RCHY1: variants seen among roughly 807,000 people sequenced by gnomAD.
RCHY1 encodes RING finger and CHY zinc finger domain-containing protein 1.
In RCHY1, 21 loss-of-function variants were observed where a neutral mutation model predicts 41.6. That is an observed-to-expected ratio of 0.51 (90% CI 0.36 to 0.73). The LOEUF (loss-of-function observed/expected upper bound fraction) is 0.73, where lower values mean the gene tolerates loss of function less well. Ranked by LOEUF, RCHY1 falls within the 30% of genes least tolerant of loss-of-function variation. RCHY1 has a pLI of 0.00. For synonymous variants in RCHY1, 79 were observed against 102.9 expected, an observed-to-expected ratio of 0.77 and a Z score of 1.41; for missense variants, 265 against 325.3, an observed-to-expected ratio of 0.81 and a Z score of 1.43.
At chr4:75,505,110 A>C (rs1348843146) in intron 3 of RCHY1, among the ~76,000 whole-genome samples, 2 of 152,202 alleles carry the variant, frequency 1.3e-5, no homozygotes, top group African/African-American at 2.4e-5. Context: ...GTTCCACCTC[A>C]GATAATCAGG....
chr4:75,494,209 A>C, intron 3 of RCHY1, 30 bp from the exon 4 acceptor site: 1 of 1,449,812 alleles, frequency 6.9e-7, no homozygotes, highest in Non-Finnish European at 9.5e-7. Context: ...CCAAAAGATT[A>C]GATTATTTTT....
chr4:75,514,037 C>T lies in RCHY1; in HGVS notation c.90+160G>A, dbSNP rs920404804. The T allele has an allele frequency of 2.2e-5, 26 of 1,175,822 alleles. No homozygotes were observed. The Admixed American group carries it at 7.4e-4, about 34-fold the overall frequency. 72.8% of individuals were successfully genotyped at this position (1,175,822 alleles called of 1,614,324 possible). ...AGGAAAGGTGGGGCTTATCGCCTTG[C>T]CAAAAACGTTCTCCTCAAGAAGAAC... On this transcript the variant is annotated intron_variant, in intron 1 of 8. Transcript: ENST00000324439.
At chr4:75,482,707 T>A (rs1480967737) in intron 8 of RCHY1, 41 bp from the exon 9 acceptor site, 5 of 1,436,898 alleles carry the variant, frequency 3.5e-6, no homozygotes, top group Non-Finnish European at 4.8e-6. Context: ...TTAAACCTTA[T>A]AAATACAAGT....
intron 8 of RCHY1, among the ~76,000 whole-genome samples, chr4:75,483,646 C>T (rs1036123877): frequency 2.6e-5 from 4 of 152,156 alleles, no homozygotes; most frequent in Admixed American, 6.6e-5. Flanking sequence ...GAACATAGCA[C>T]ACTTCGGCCT....
chr4:75,513,482 AGAG>A (rs1478524040), intron 1 of RCHY1, among the ~76,000 whole-genome samples: 1 of 152,212 alleles, frequency 6.6e-6, no homozygotes, highest in Admixed American at 6.5e-5. Flanking sequence ...CAGTTATTAA[AGAG>A]GAGAGCTAAG....
At chr4:75,487,799 ATATATATTCATAATATATATTCATAAT>A in intron 8 of RCHY1, among the ~76,000 whole-genome samples, 4 of 80,612 alleles carry the variant, frequency 5.0e-5, no homozygotes, top group African/African-American at 2.6e-4. Context: ...ATATATTCAT[ATATATATTCATAATATATATTCATAAT>A]ATATATATTC....
chr4:75,485,263 T>G (rs1474471678), intron 8 of RCHY1, among the ~76,000 whole-genome samples: 2 of 152,230 alleles, frequency 1.3e-5, no homozygotes, highest in African/African-American at 4.8e-5. Flanking sequence ...CCCTACTGTC[T>G]TAGTGGGCTC....
intron 2 of RCHY1, 90 bp from the exon 3 acceptor site, chr4:75,509,025 G>T: frequency 8.6e-7 from 1 of 1,166,778 alleles, no homozygotes; most frequent in Non-Finnish European, 1.2e-6. Context: ...ACTATATGCA[G>T]TTTATTTTTA....
At chr4:75,513,113 T>C (rs1229596860) in intron 1 of RCHY1, among the ~76,000 whole-genome samples, 1 of 152,124 alleles carries the variant, frequency 6.6e-6, no homozygotes, top group African/African-American at 2.4e-5. Context: ...CAACACTTGG[T>C]GGATGACCAA....
intron 1 of RCHY1, among the ~76,000 whole-genome samples, chr4:75,511,864 G>A (rs762232778): frequency 6.6e-6 from 1 of 151,006 alleles, no homozygotes; most frequent in Non-Finnish European, 1.5e-5. Context: ...TTTTGGCCTT[G>A]CAGAGCCCCT....
intron 8 of RCHY1, among the ~76,000 whole-genome samples, chr4:75,487,655 A>AATATATATTC (rs1722259067): frequency 3.2e-5 from 1 of 31,062 alleles, no homozygotes; most frequent in Non-Finnish European, 5.8e-5. Context: ...ATATATTCAT[A>AATATATATTC]ATATATATAT....
At chr4:75,493,206 C>T (rs1425036617) in intron 4 of RCHY1, among the ~76,000 whole-genome samples, 1 of 151,984 alleles carries the variant, frequency 6.6e-6, no homozygotes, top group African/African-American at 2.4e-5. Context: ...TTACAATCTA[C>T]TAATCAAGTA....
At chr4:75,509,441 T>G (rs1413181660) in intron 1 of RCHY1, 145 bp from the exon 2 acceptor site, 2 of 622,784 alleles carry the variant, frequency 3.2e-6, no homozygotes, top group Admixed American at 6.3e-5. Context: ...ATCCTAAACA[T>G]AACATTTCAC....
At chr4:75,486,658 G>T (rs961780814) in intron 8 of RCHY1, among the ~76,000 whole-genome samples, 1 of 152,078 alleles carries the variant, frequency 6.6e-6, no homozygotes, top group Non-Finnish European at 1.5e-5. Flanking sequence ...CCTATAAGGA[G>T]TGTAAAAACA....
chr4:75,485,212 T>G (rs1560510621), intron 8 of RCHY1, among the ~76,000 whole-genome samples: 1 of 152,198 alleles, frequency 6.6e-6, no homozygotes, highest in African/African-American at 2.4e-5. Context: ...CTGTTTAATT[T>G]CTGAGTAAAC....
intron 8 of RCHY1, among the ~76,000 whole-genome samples, chr4:75,485,665 T>A (rs1721938486): frequency 6.6e-6 from 1 of 152,202 alleles, no homozygotes; most frequent in Admixed American, 6.5e-5. Flanking sequence ...CCTTTAGAAA[T>A]GCATATTTAG....
At chr4:75,497,312 A>G (rs1220299905) in intron 3 of RCHY1, among the ~76,000 whole-genome samples, 1 of 152,154 alleles carries the variant, frequency 6.6e-6, no homozygotes, top group Non-Finnish European at 1.5e-5. Context: ...CTGTAACCTA[A>G]CTGGATGTGT....
At chr4:75,494,689 T>C (rs1723024934) in intron 3 of RCHY1, among the ~76,000 whole-genome samples, 1 of 151,830 alleles carries the variant, frequency 6.6e-6, no homozygotes, top group East Asian at 1.9e-4. Flanking sequence ...AGTTCACATG[T>C]TGATTATTTT....
At chr4:75,494,277 A>T in intron 3 of RCHY1, 98 bp from the exon 4 acceptor site, 1 of 813,686 alleles carries the variant, frequency 1.2e-6, no homozygotes, top group Non-Finnish European at 2.0e-6. Context: ...TGTAAAAAAA[A>T]TTTCCAGCCA....
Sources: allele counts gnomAD v4.1 joint callset (sites outside exome capture counted in the v4.1 genomes callset), GRCh38; gene constraint gnomAD v4.1.1; transcripts MANE v1.5; gene names NCBI Gene and HGNC (gene_info 2026-07-23, HGNC 2026-07-21).